Variants in GRM7 observed in about 807,000 individuals in gnomAD.
The protein encoded by GRM7 is glutamate metabotropic receptor 7.
Under a neutral mutation model 84.5 loss-of-function variants are expected in GRM7, and 35 were observed. The ratio of observed to expected loss-of-function variants is 0.41; its 90% CI spans 0.32 to 0.55. The LOEUF (loss-of-function observed/expected upper bound fraction) is 0.55. Ranked by LOEUF, GRM7 falls within the 20% of genes least tolerant of loss-of-function variation. The pLI is 0.19. For synonymous variants in GRM7, 487 were observed against 455.1 expected, an observed-to-expected ratio of 1.07 and a Z score of -0.89; for missense variants, 1,003 against 1,194.6, an observed-to-expected ratio of 0.84 and a Z score of 2.36.
chr3:7,330,162 C>A (rs993676267), intron 4 of GRM7, among the ~76,000 whole-genome samples: 2 of 152,286 alleles, frequency 1.3e-5, no homozygotes. Flanking sequence ...AAGCACACTT[C>A]AGTCAGTTTG....
Position 6,862,803 on chromosome 3 carries a change from G to A in GRM7, c.519+896G>A, listed in dbSNP as rs1331436003. The A allele has an allele frequency of 1.6e-5, 5 of 306,306 alleles. No individual in the cohort carries two copies. The highest frequency in any genetic ancestry group is 1.2e-4 in the South Asian group (5 of 42,262). The allele number at this position is 306,306 out of a possible 1,614,324, so 19.0% of individuals were successfully genotyped here. ...CGGCTTGGAGGACGATTCCCGGAGC[G>A]AGGCATGAAGGCGCCCGTTGGGAGG... is the stretch of plus-strand genomic sequence containing the variant. On this transcript the variant is annotated intron_variant, in intron 1 of 9. Coordinates refer to ENST00000357716, the MANE Select transcript of GRM7 (RefSeq NM_000844.4). The surrounding 1 kb of genome is among the most constrained non-coding windows in gnomAD (Gnocchi z 5.2).
At chr3:7,194,875 G>A (rs529511014) in intron 2 of GRM7, among the ~76,000 whole-genome samples, 1 of 152,216 alleles carries the variant, frequency 6.6e-6, no homozygotes, top group Admixed American at 6.5e-5. Flanking sequence ...AGCACTTACT[G>A]CTTTACGAAA....
intron 1 of GRM7, among the ~76,000 whole-genome samples, chr3:7,093,232 A>AT (rs147998254): frequency 6.6e-6 from 1 of 152,080 alleles, no homozygotes; most frequent in Middle Eastern, 3.2e-3. Context: ...GAGGCAACTA[A>AT]GGCCCAGTTT....
intron 1 of GRM7, among the ~76,000 whole-genome samples, chr3:6,950,656 G>A (rs1359986877): frequency 6.6e-6 from 1 of 152,220 alleles, no homozygotes; most frequent in Non-Finnish European, 1.5e-5. Context: ...CCCCAGAGGT[G>A]GAGCCTACAG....
At chr3:7,635,098 G>C (rs753810158) in intron 8 of GRM7, among the ~76,000 whole-genome samples, 1 of 152,182 alleles carries the variant, frequency 6.6e-6, no homozygotes, top group African/African-American at 2.4e-5. Flanking sequence ...AGTGAGATTG[G>C]TGGGGCTGAA....
intron 4 of GRM7, among the ~76,000 whole-genome samples, chr3:7,361,570 G>A (rs926245527): frequency 6.6e-6 from 1 of 151,916 alleles, no homozygotes; most frequent in Non-Finnish European, 1.5e-5. Context: ...CTGTGGTTCC[G>A]AAGACCCCCT....
chr3:7,341,483 C>A (rs1692628877), intron 4 of GRM7, among the ~76,000 whole-genome samples: 1 of 151,552 alleles, frequency 6.6e-6, no homozygotes, highest in Non-Finnish European at 1.5e-5. Context: ...ATTTTATGAG[C>A]CTTTGCAATC....
At chr3:6,934,105 A>T (rs1191883465) in intron 1 of GRM7, among the ~76,000 whole-genome samples, 1 of 152,174 alleles carries the variant, frequency 6.6e-6, no homozygotes, top group Non-Finnish European at 1.5e-5. Context: ...ACCATGGTCC[A>T]TTCAATAAAA....
At chr3:7,506,386 A>G (rs959016103) in intron 7 of GRM7, among the ~76,000 whole-genome samples, 1 of 152,118 alleles carries the variant, frequency 6.6e-6, no homozygotes, top group African/African-American at 2.4e-5. Flanking sequence ...ATCACTCTTG[A>G]TGCCCCATTC....
intron 4 of GRM7, among the ~76,000 whole-genome samples, chr3:7,386,053 A>G (rs1053773478): frequency 2.6e-5 from 4 of 152,216 alleles, no homozygotes; most frequent in Non-Finnish European, 4.4e-5. Flanking sequence ...ATGGGCTTAA[A>G]GTATAAAGGA....
At chr3:7,354,574 G>A (rs771798625) in intron 4 of GRM7, among the ~76,000 whole-genome samples, 2 of 152,166 alleles carry the variant, frequency 1.3e-5, no homozygotes, top group Non-Finnish European at 2.9e-5. Context: ...CCTGGAGGGA[G>A]AGTAGAGATT....
intron 4 of GRM7, among the ~76,000 whole-genome samples, chr3:7,339,820 A>G (rs893597722): frequency 6.6e-6 from 1 of 152,078 alleles, no homozygotes; most frequent in African/African-American, 2.4e-5. Context: ...AATTGTTTCA[A>G]CTACTGCAAA....
chr3:7,006,901 AC>A, intron 1 of GRM7, among the ~76,000 whole-genome samples: 1 of 152,374 alleles, frequency 6.6e-6, no homozygotes, highest in East Asian at 1.9e-4. Context: ...AAAGGGATTG[AC>A]AAATAATAAC....
intron 2 of GRM7, among the ~76,000 whole-genome samples, chr3:7,229,724 C>CATAT (rs1697103718): frequency 3.8e-5 from 1 of 25,998 alleles, no homozygotes; most frequent in Non-Finnish European, 6.5e-5. Context: ...CATAGACACA[C>CATAT]ACATATATAT....
intron 4 of GRM7, among the ~76,000 whole-genome samples, chr3:7,318,076 A>G (rs1276647495): frequency 6.6e-6 from 1 of 152,110 alleles, no homozygotes; most frequent in African/African-American, 2.4e-5. Context: ...AAGGAGAAAA[A>G]AATCACAGGC....
chr3:7,379,506 A>G (rs1209138505), intron 4 of GRM7, among the ~76,000 whole-genome samples: 3 of 152,160 alleles, frequency 2.0e-5, no homozygotes, highest in Non-Finnish European at 4.4e-5. Context: ...TGCTAACAAT[A>G]ACACCTCATT....
chr3:7,502,142 C>A (rs79779696), intron 7 of GRM7, among the ~76,000 whole-genome samples: 2,142 of 152,246 alleles, frequency 0.014, 48 homozygotes, highest in African/African-American at 0.049. Context: ...AAGTGTAGAA[C>A]TAACATCGCA....
At chr3:7,183,057 TA>T (rs1262587651) in intron 2 of GRM7, among the ~76,000 whole-genome samples, 1 of 152,134 alleles carries the variant, frequency 6.6e-6, no homozygotes, top group Non-Finnish European at 1.5e-5. Flanking sequence ...CAAAATGAAT[TA>T]TGAACATTTC....
chr3:7,234,586 A>G (rs942506344), intron 2 of GRM7, among the ~76,000 whole-genome samples: 2 of 152,228 alleles, frequency 1.3e-5, no homozygotes, highest in African/African-American at 2.4e-5. Flanking sequence ...TCTGTCTTAC[A>G]TAAGAAGTGG....
Sources: gnomAD v4.1 joint callset for allele counts (sites outside exome capture counted in the v4.1 genomes callset) on GRCh38, gnomAD v4.1.1 for gene constraint, Gnocchi (gnomAD v3.1) non-coding constraint, MANE v1.5 for transcripts, NCBI Gene and HGNC (gene_info 2026-07-23, HGNC 2026-07-21) for gene names.